The following MRFAP1 variants were observed in gnomAD, a reference collection of about 807,000 sequenced individuals.
MRFAP1 encodes MORF4 family-associated protein 1.
A neutral mutation model predicts 9.3 loss-of-function variants in MRFAP1; 1 was observed. That is an observed-to-expected ratio of 0.11 (90% CI 0.04 to 0.51). MRFAP1 has a LOEUF of 0.51. Among genes scored for constraint, MRFAP1 ranks in the 20% least tolerant of loss-of-function variants. The pLI is 0.94. For synonymous variants in MRFAP1, 101 were observed against 80.3 expected (o/e 1.26, Z -1.38); for missense variants, 180 against 178.6 (o/e 1.01, Z -0.04).
rs773348207 is a variant in MRFAP1, at chr4:6,641,814, C to T, written c.*97C>T. The T allele has an allele frequency of 6.5e-6, 1 of 152,904 alleles. No homozygotes were observed. The highest frequency in any genetic ancestry group is 2.4e-5 in the African/African-American group (1 of 41,430). The allele number at this position is 152,904 out of a possible 1,614,324, so 9.5% of individuals were successfully genotyped here. On this transcript the variant is annotated 3_prime_UTR_variant, in exon 2 of 2. Transcript: ENST00000382581. ...GAAACCAGAGAGCCTTTTGTTTTCT[C>T]TTTTTTCCTGTCTATGCTCTGTCTC...
chr4:6,641,150 G>T lies in MRFAP1; in HGVS notation c.288G>T (p.Arg96Ser), dbSNP rs377063696. 19 of 1,614,034 alleles carry T rather than the reference G, an allele frequency of 1.2e-5. No homozygotes were observed. The highest frequency in any genetic ancestry group is 1.5e-5 in the Non-Finnish European group (18 of 1,180,016). The part of the protein sequence containing the change: ...GDAAEGRAAK[R>S]CEKAEEKAKE... ...CGGCCGAGGGCCGGGCGGCCAAGAG[G>T]TGCGAGAAGGCCGAGGAGAAGGCCA... Residue 96 changes from arginine (R) to serine (S), a missense_variant, in exon 1 of 2, where the codon AGG becomes AGT. By Grantham distance (110) the Arg-to-Ser change is moderately radical (BLOSUM62 -1). Coordinates refer to ENST00000382581, the MANE Select transcript of MRFAP1 (RefSeq NM_033296.3).
chr4:6,640,874 G>C lies in MRFAP1; in HGVS notation c.12G>C (p.Leu4=), dbSNP rs1029766066. ...GGCAGTGGGAAGAGATGCGGCCCCT[G>C]GACATCGTCGAGCTGGCGGAACCGG... MRP[L]DIVELAEPEE... The change falls in exon 1 of 2, where the codon CTG becomes CTC. Residue 4 remains leucine, a synonymous_variant. Coordinates refer to ENST00000382581, the MANE Select transcript of MRFAP1 (RefSeq NM_033296.3). 1 of 1,608,732 alleles carries C rather than the reference G, an allele frequency of 6.2e-7. No homozygotes were observed. Among genetic ancestry groups the C allele is most frequent in the Non-Finnish European group, 8.5e-7 (1 of 1,176,240 alleles).
In MRFAP1 at chr4:6,640,866, C is replaced by G; in HGVS notation, c.4C>G (p.Arg2Gly). 1 of 1,604,988 alleles carries G rather than the reference C, an allele frequency of 6.2e-7. No individual in the cohort carries two copies. Among genetic ancestry groups the G allele is most frequent in the East Asian group, 2.2e-5 (1 of 44,734 alleles). Residue 2 changes from arginine (R) to glycine (G), a missense_variant, in exon 1 of 2, where the codon CGG becomes GGG. Arg to Gly is a moderately radical substitution (Grantham distance 125, BLOSUM62 -2). Coordinates refer to ENST00000382581, the MANE Select transcript of MRFAP1 (RefSeq NM_033296.3). Reference protein sequence around the residue: MRPLDIVELAEP... With the variant: MGPLDIVELAEP... Reference sequence around the variant, plus strand: ...GGTTCCGAGGCAGTGGGAAGAGATGCGGCCCCTGGACATCGTCGAGCTGGC... The same window carrying G: ...GGTTCCGAGGCAGTGGGAAGAGATGGGGCCCCTGGACATCGTCGAGCTGGC...
At chr4:6,641,400 C>T (rs1038258796) in intron 1 of MRFAP1, 142 bp downstream of exon 1, 79 of 1,071,974 alleles carry the variant, frequency 7.4e-5, no homozygotes, top group Non-Finnish European at 9.4e-5. Flanking sequence ...ATCTGGGCCC[C>T]GTCTTCGTGT....
At chr4:6,641,424 G>A in intron 1 of MRFAP1, 166 bp downstream of exon 1, 1 of 872,826 alleles carries the variant, frequency 1.1e-6, no homozygotes, top group Non-Finnish European at 1.7e-6. Context: ...GTTTTTTGAC[G>A]GTGGCGGCGT....
In MRFAP1 at chr4:6,641,112, A is replaced by G. The variant is rs1220145697; in HGVS notation, c.250A>G (p.Asn84Asp). 6.2e-7 allele frequency: 1 copy of G among 1,614,078 alleles called. No homozygotes were observed. The highest frequency in any genetic ancestry group is 1.3e-5 in the African/African-American group (1 of 74,958). The change falls in exon 1 of 2, where the codon AAC (asparagine) becomes GAC (aspartate). Residue 84 changes from asparagine to aspartate, a missense_variant. By Grantham distance (23) the Asn-to-Asp change is conservative. Coordinates refer to ENST00000382581, the MANE Select transcript of MRFAP1 (RefSeq NM_033296.3). ...SEESALNHLQNPGDAAEGRAA... is the reference protein window; with the variant it reads ...SEESALNHLQDPGDAAEGRAA... ...GGAGAGCGCCCTCAACCACCTCCAG[A>G]ACCCGGGCGACGCGGCCGAGGGCCG...
In MRFAP1 at chr4:6,641,551, G is replaced by T. The variant is rs573242544; in HGVS notation, c.*13-179G>T. On this transcript the variant is annotated intron_variant, in intron 1 of 1. Transcript: ENST00000382581. ...GGTCCCGGGCCGTCCAGCAAGCGGG[G>T]GTGGAAATAGAGGATTTTCGGGGAA... is the stretch of plus-strand genomic sequence containing the variant. 15 of 342,206 alleles carry T rather than the reference G, an allele frequency of 4.4e-5. No individual in the cohort carries two copies. The East Asian group carries it at 7.3e-4, about 17-fold the overall frequency. The allele number at this position is 342,206 out of a possible 1,614,324, so 21.2% of individuals were successfully genotyped here.
Position 6,641,881 on chromosome 4 carries a change from C to T in MRFAP1, c.*164C>T, listed in dbSNP as rs1712850460. On this transcript the variant is annotated 3_prime_UTR_variant, in exon 2 of 2. Transcript: ENST00000382581. Reference sequence around the variant, plus strand: ...TCTGCTATGGTCTGTGGTTGATGACCTCAATATGAGTTTCGATTGTTAACG... The same window carrying T: ...TCTGCTATGGTCTGTGGTTGATGACTTCAATATGAGTTTCGATTGTTAACG... 6.6e-6 allele frequency: 1 copy of T among 152,624 alleles called. No individual in the cohort carries two copies. The allele number at this position is 152,624 out of a possible 1,614,324, so 9.5% of individuals were successfully genotyped here.
At position 6,641,140 on chromosome 4, in the gene MRFAP1, C is replaced by T. The variant is rs139039647; in HGVS notation, c.278C>T (p.Ala93Val). 3.1e-6 allele frequency: 5 copies of T among 1,614,154 alleles called. No individual in the cohort carries two copies. Among genetic ancestry groups the T allele is most frequent in the Non-Finnish European group, 3.4e-6 (4 of 1,180,022 alleles). ...CCGGGCGACGCGGCCGAGGGCCGGG[C>T]GGCCAAGAGGTGCGAGAAGGCCGAG... ...QNPGDAAEGRAAKRCEKAEEK... is the reference protein window; with the variant it reads ...QNPGDAAEGRVAKRCEKAEEK... The change falls in exon 1 of 2, where the codon GCG becomes GTG. Residue 93 changes from alanine to valine, a missense_variant. By Grantham distance (64) the Ala-to-Val change is moderately conservative. Transcript: ENST00000382581.
chr4:6,641,443 C>A, intron 1 of MRFAP1, 185 bp downstream of exon 1: 1 of 716,750 alleles, frequency 1.4e-6, no homozygotes, highest in Non-Finnish European at 2.2e-6. Context: ...GTGGGATAAT[C>A]AGAGTGGCCG....
At position 6,642,315 on chromosome 4, in the gene MRFAP1, G is replaced by A. The variant is rs1370128555; in HGVS notation, c.*598G>A. ...CTTTAATTTCTGTGTGAGACCAAAG[G>A]AGGAGAGATGTGTTTTGTTCAAAAT... On this transcript the variant is annotated 3_prime_UTR_variant, in exon 2 of 2. Coordinates refer to ENST00000382581, the MANE Select transcript of MRFAP1 (RefSeq NM_033296.3). The A allele has an allele frequency of 6.5e-6, 1 of 152,684 alleles. No homozygotes were observed. Among genetic ancestry groups the A allele is most frequent in the East Asian group, 1.9e-4 (1 of 5,204 alleles). The allele number at this position is 152,684 out of a possible 1,614,324, so 9.5% of individuals were successfully genotyped here. A position where few individuals can be genotyped will look rare whatever the true frequency, so the allele number is the denominator to read the frequency against.
rs1034138310 is a variant in MRFAP1 at position 6,641,463 on chromosome 4, G to C, written c.*12+205G>C. ...ATAATCAGAGTGGCCGGGTTTGGGC[G>C]TGATGCGTGTTCAGTGGAAGGGTCA... is the stretch of plus-strand genomic sequence containing the variant. On this transcript the variant is annotated intron_variant, in intron 1 of 1. Transcript: ENST00000382581. 4 of 607,182 alleles carry C rather than the reference G, an allele frequency of 6.6e-6. No individual in the cohort carries two copies. In the South Asian group the frequency reaches 9.7e-5, roughly 15 times the overall value. The allele number at this position is 607,182 out of a possible 1,614,324, so 37.6% of individuals were successfully genotyped here.
rs559992581 is a variant in MRFAP1, at chr4:6,641,754, A to G, written c.*37A>G. 2.0e-5 allele frequency: 3 copies of G among 153,808 alleles called. No homozygotes were observed. The highest frequency in any genetic ancestry group is 7.2e-5 in the African/African-American group (3 of 41,588). 9.5% of individuals were successfully genotyped at this position (153,808 alleles called of 1,614,324 possible). ...GGTTTCCAGCCAATGGATTCTGGTC[A>G]ACTGGTGGAGATTGGCTGACACCCT... On this transcript the variant is annotated 3_prime_UTR_variant, in exon 2 of 2. Coordinates refer to ENST00000382581, the MANE Select transcript of MRFAP1 (RefSeq NM_033296.3).
In MRFAP1 at chr4:6,640,757, T is replaced by G. The variant is rs1577306904; in HGVS notation, c.-106T>G. 1.4e-6 allele frequency: 2 copies of G among 1,415,796 alleles called. No homozygotes were observed. Among genetic ancestry groups the G allele is most frequent in the Non-Finnish European group, 9.6e-7 (1 of 1,046,674 alleles). 87.7% of individuals were successfully genotyped at this position (1,415,796 alleles called of 1,614,324 possible). A position where few individuals can be genotyped will look rare whatever the true frequency, so the allele number is the denominator to read the frequency against. On this transcript the variant is annotated 5_prime_UTR_variant, in exon 1 of 2. Coordinates refer to ENST00000382581, the MANE Select transcript of MRFAP1 (RefSeq NM_033296.3). ...TCTGAGAAGAAAAGTTGAAAAAGGG[T>G]AAAAGTTTTCAGGAATATTCGGGCT...
rs537446460 is a variant in MRFAP1, at chr4:6,641,908, G to A, written c.*191G>A. 1 of 152,758 alleles carries A rather than the reference G, an allele frequency of 6.5e-6. No homozygotes were observed. Among genetic ancestry groups the A allele is most frequent in the African/African-American group, 2.4e-5 (1 of 41,554 alleles). 9.5% of individuals were successfully genotyped at this position (152,758 alleles called of 1,614,324 possible). A position where few individuals can be genotyped will look rare whatever the true frequency, so the allele number is the denominator to read the frequency against. On this transcript the variant is annotated 3_prime_UTR_variant, in exon 2 of 2. Transcript: ENST00000382581. Reference sequence around the variant, plus strand: ...CAATATGAGTTTCGATTGTTAACGTGTTTTTGTTTGGGAAGTAATTTTGTT... The same window carrying A: ...CAATATGAGTTTCGATTGTTAACGTATTTTTGTTTGGGAAGTAATTTTGTT...
In MRFAP1 at chr4:6,641,378, G is replaced by C. The variant is rs1712820714; in HGVS notation, c.*12+120G>C. The C allele has an allele frequency of 1.1e-5, 14 of 1,287,716 alleles. 1 individual carries two copies. In the South Asian group the frequency reaches 1.4e-4, roughly 12 times the overall value. 79.8% of individuals were successfully genotyped at this position (1,287,716 alleles called of 1,614,324 possible). The stretch of plus-strand genomic sequence containing the variant: ...GGGGCGGGAGAATAAAGGCGTGCTC[G>C]GGTCAGGGCCGATCTGGGCCCCGTC... On this transcript the variant is annotated intron_variant, in intron 1 of 1. Coordinates refer to ENST00000382581, the MANE Select transcript of MRFAP1 (RefSeq NM_033296.3).
rs1577307643 is a variant in MRFAP1, at chr4:6,641,943, T to C, written c.*226T>C. The C allele has an allele frequency of 1.3e-5, 2 of 152,668 alleles. No individual in the cohort carries two copies. The highest frequency in any genetic ancestry group is 4.8e-5 in the African/African-American group (2 of 41,458). The allele number at this position is 152,668 out of a possible 1,614,324, so 9.5% of individuals were successfully genotyped here. ...GGGAAGTAATTTTGTTTGAAAATGC[T>C]CTCACATACAGGAATTAGGGCCTAG... On this transcript the variant is annotated 3_prime_UTR_variant, in exon 2 of 2. Coordinates refer to ENST00000382581, the MANE Select transcript of MRFAP1 (RefSeq NM_033296.3).
rs748664722 is a variant in MRFAP1, at chr4:6,641,242, C to G, written c.380C>G (p.Ser127Trp). The G allele has an allele frequency of 1.3e-6, 2 of 1,568,228 alleles. No individual in the cohort carries two copies. Among genetic ancestry groups the G allele is most frequent in the Non-Finnish European group, 1.7e-6 (2 of 1,152,172 alleles). The change falls in exon 1 of 2, where the codon TCG becomes TGG. Residue 127 changes from serine to tryptophan, a missense_variant. Ser to Trp is a radical substitution (Grantham distance 177). Coordinates refer to ENST00000382581, the MANE Select transcript of MRFAP1 (RefSeq NM_033296.3). ...CGGCGGATAGAGAAGAGCGAGTCGT[C>G]GTGAGCGCGGTCGGCGGTAAGTCGG... ...LVRRIEKSES[S>W] is the part of the protein sequence containing the mutation.
chr4:6,641,324 T>C, intron 1 of MRFAP1, 66 bp downstream of exon 1: 1 of 1,508,652 alleles, frequency 6.6e-7, no homozygotes, highest in East Asian at 2.3e-5. Context: ...AGAGCGATGA[T>C]TTCATCGAGA....
Sources: allele counts gnomAD v4.1 joint callset, GRCh38; gene constraint gnomAD v4.1.1; transcripts MANE v1.5; gene names NCBI Gene and HGNC (gene_info 2026-07-23, HGNC 2026-07-21).